MADD: variants seen among roughly 807,000 people sequenced by gnomAD.
MADD encodes MAP kinase-activating death domain protein.
In MADD, 109 loss-of-function variants were observed where a neutral mutation model predicts 176.7. That is an observed-to-expected ratio of 0.62 (90% confidence interval 0.53 to 0.72). MADD has a LOEUF of 0.72. Among genes scored for constraint, MADD ranks in the 30% least tolerant of loss-of-function variants. MADD has a pLI of 0.00. For synonymous variants in MADD, 771 were observed against 771.3 expected, an observed-to-expected ratio of 1.00 and a Z score of 0.01; for missense variants, 1,914 against 2,045.5, an observed-to-expected ratio of 0.94 and a Z score of 1.24.
intron 5 of MADD, 67 bp downstream of exon 5, chr11:47,276,930 A>G (rs1591774555): frequency 1.3e-6 from 2 of 1,563,478 alleles, no homozygotes. Context: ...TTAATGCTCA[A>G]AGAAGTTGTA....
intron 5 of MADD, 108 bp from the exon 6 acceptor site, chr11:47,278,057 T>G: frequency 1.3e-6 from 1 of 772,720 alleles, no homozygotes; most frequent in Non-Finnish European, 2.3e-6. Flanking sequence ...CTCAAGAGTT[T>G]TGGAAGAGGG....
chr11:47,327,367 C>CT (rs2095561766), intron 31 of MADD: 1 of 985,320 alleles, frequency 1.0e-6, no homozygotes, highest in South Asian at 4.7e-5. Flanking sequence ...CACCCTGGGG[C>CT]TTTGAGTTCC....
intron 15 of MADD, among the ~76,000 whole-genome samples, chr11:47,287,403 A>G (rs897384075): frequency 2.6e-5 from 4 of 152,116 alleles, no homozygotes; most frequent in Admixed American, 1.3e-4. Flanking sequence ...TCTGAATTTG[A>G]TTTTTTATTT....
chr11:47,311,680 C>A, intron 25 of MADD, 52 bp from the exon 29 acceptor site: 1 of 1,114,186 alleles, frequency 9.0e-7, no homozygotes, highest in Non-Finnish European at 1.4e-6. Flanking sequence ...TTCTCTACCT[C>A]AGTCGGGAGG....
intron 7 of MADD, among the ~76,000 whole-genome samples, chr11:47,280,460 A>G (rs552112555): frequency 6.6e-6 from 1 of 152,174 alleles, no homozygotes; most frequent in Non-Finnish European, 1.5e-5. Flanking sequence ...AAAGTTCTCT[A>G]GCTGCCTTCA....
chr11:47,286,460 G>C, exon 15 of MADD: 1 of 1,614,140 alleles, frequency 6.2e-7, no homozygotes, highest in Non-Finnish European at 8.5e-7. Flanking sequence ...CACAGTACCA[G>C]CTTCAGTCTT....
intron 9 of MADD, 40 bp from the exon 10 acceptor site, chr11:47,282,773 C>T (rs531567830): frequency 1.2e-6 from 2 of 1,601,046 alleles, no homozygotes; most frequent in South Asian, 1.1e-5. Context: ...GCCTTTTTTT[C>T]CTTGCTGCTG....
chr11:47,323,784 G>A (rs2094949982), exon 28 of MADD: 1 of 1,614,122 alleles, frequency 6.2e-7, no homozygotes, highest in African/African-American at 1.3e-5. Flanking sequence ...TGTTGTGCTT[G>A]TGGCGTAGAA....
At chr11:47,274,760 G>C (rs777494646) in exon 3 of MADD, 1 of 1,614,114 alleles carries the variant, frequency 6.2e-7, no homozygotes, top group Non-Finnish European at 8.5e-7. Flanking sequence ...AAGGACACTG[G>C]AGTCACGCGA....
rs1251056641 is a variant in MADD at position 47,293,998 on chromosome 11, T to A, written c.3402+15T>A. ...CTAGTTCCCAGGTTTGTGACAACCT[T>A]GTTGAAATTTGCAAGTATTAAATAT... On this transcript the variant is annotated intron_variant, in intron 20 of 32. Transcript: ENST00000402192. 1.9e-6 allele frequency: 3 copies of A among 1,591,978 alleles called. No homozygotes were observed. The highest frequency in any genetic ancestry group is 2.6e-6 in the Non-Finnish European group (3 of 1,159,998).
At chr11:47,296,173 ATCT>A (rs1044894812) in intron 22 of MADD, 118 bp downstream of exon 24, 79 of 1,190,984 alleles carry the variant, frequency 6.6e-5, no homozygotes, top group Non-Finnish European at 8.0e-5. Flanking sequence ...GGAAGAGGTA[ATCT>A]TCTTATATTT....
chr11:47,318,915 C>T (rs1321931829), intron 27 of MADD, among the ~76,000 whole-genome samples: 1 of 147,030 alleles, frequency 6.8e-6, no homozygotes, highest in East Asian at 2.0e-4. Flanking sequence ...TCAAGCGATT[C>T]TCCTGCCTCA....
intron 30 of MADD, among the ~76,000 whole-genome samples, chr11:47,326,157 G>C (rs1223748396): frequency 6.6e-6 from 1 of 152,196 alleles, no homozygotes; most frequent in African/African-American, 2.4e-5. Context: ...ACTATTTACT[G>C]TGTCACGTAG....
At chr11:47,295,252 T>A (rs2070173186) in intron 20 of MADD, among the ~76,000 whole-genome samples, 1 of 152,106 alleles carries the variant, frequency 6.6e-6, no homozygotes, top group South Asian at 2.1e-4. Flanking sequence ...GCTGAAATGA[T>A]CCTCCCACCT....
intron 15 of MADD, 64 bp downstream of exon 16, chr11:47,289,091 C>T (rs1018744608): frequency 3.4e-5 from 49 of 1,455,220 alleles, no homozygotes; most frequent in Non-Finnish European, 4.3e-5. Flanking sequence ...TGTGCCTGCC[C>T]GAGGGCCATC....
In MADD at chr11:47,276,866, G is replaced by T. The variant is rs772357664; in HGVS notation, c.1095+3G>T. On this transcript the variant is annotated splice_donor_region_variant and intron_variant, in intron 5 of 32. Transcript: ENST00000402192. ...CCTGCATGGCATCAGCAGAGCAGGT[G>T]AGTCTCAAGGCGACTTCCGGCTTTC... 1 of 1,613,906 alleles carries T rather than the reference G, an allele frequency of 6.2e-7. No homozygotes were observed. The highest frequency in any genetic ancestry group is 8.5e-7 in the Non-Finnish European group (1 of 1,179,970).
At chr11:47,277,144 A>G (rs1317022287) in intron 5 of MADD, among the ~76,000 whole-genome samples, 1 of 152,262 alleles carries the variant, frequency 6.6e-6, no homozygotes, top group Non-Finnish European at 1.5e-5. Context: ...TGTGGAGGAC[A>G]CATTCCAAGA....
chr11:47,322,931 G>A (rs918156257), intron 27 of MADD, among the ~76,000 whole-genome samples: 15 of 151,900 alleles, frequency 9.9e-5, no homozygotes, highest in African/African-American at 3.6e-4. Flanking sequence ...AGTCCGTAGA[G>A]CACATAAGAG....
At chr11:47,320,340 C>A (rs1774425514) in intron 27 of MADD, among the ~76,000 whole-genome samples, 1 of 151,834 alleles carries the variant, frequency 6.6e-6, no homozygotes, top group Non-Finnish European at 1.5e-5. Context: ...CTTGTAATCC[C>A]AGTTACTTGG....
Sources: gnomAD v4.1 joint callset for allele counts (sites outside exome capture counted in the v4.1 genomes callset) on GRCh38, gnomAD v4.1.1 for gene constraint, MANE v1.5 for transcripts, NCBI Gene and HGNC (gene_info 2026-07-23, HGNC 2026-07-21) for gene names.